UBR3: variants seen among roughly 807,000 people sequenced by gnomAD.
UBR3 encodes the protein ubiquitin protein ligase E3 component n-recognin 3.
In UBR3, 85 loss-of-function variants were observed where a neutral mutation model predicts 243.2. The ratio of observed to expected loss-of-function variants is 0.35; its 90% confidence interval spans 0.29 to 0.42. The LOEUF is 0.42. UBR3 is among the 10% of genes least tolerant of loss of function. The probability of loss-of-function intolerance (pLI) is 1.00; values close to 1 mark genes in which losing one functional copy is unlikely to be tolerated. For synonymous variants in UBR3, 748 were observed against 799.8 expected, an observed-to-expected ratio of 0.94 and a Z score of 1.09; for missense variants, 1,686 against 2,300.8, an observed-to-expected ratio of 0.73 and a Z score of 5.47.
chr2:170,059,894 C>G (rs2091422741), intron 33 of UBR3, among the ~76,000 whole-genome samples: 1 of 152,136 alleles, frequency 6.6e-6, no homozygotes, highest in Non-Finnish European at 1.5e-5. Context: ...AGTTAATTAG[C>G]AGGTATTTCT....
chr2:169,831,580 C>A (rs1455894540), intron 1 of UBR3, among the ~76,000 whole-genome samples: 1 of 152,186 alleles, frequency 6.6e-6, no homozygotes, highest in Non-Finnish European at 1.5e-5. Context: ...TGTGGCCATG[C>A]AATTACTCTG....
chr2:170,021,333 A>T (rs1003213282), intron 30 of UBR3, among the ~76,000 whole-genome samples: 5 of 152,140 alleles, frequency 3.3e-5, no homozygotes, highest in Non-Finnish European at 7.4e-5. Flanking sequence ...TACAACAGAA[A>T]TGTATTTCTC....
intron 3 of UBR3, 28 bp from the exon 4 acceptor site, chr2:169,877,466 T>C: frequency 6.6e-7 from 1 of 1,512,528 alleles, no homozygotes; most frequent in South Asian, 1.3e-5. Flanking sequence ...GGAATATTTT[T>C]TTCTGATTTG....
chr2:170,077,318 A>T, intron 36 of UBR3: 1 of 794,724 alleles, frequency 1.3e-6, no homozygotes, highest in Non-Finnish European at 2.3e-6. Flanking sequence ...TCCTTGTGTC[A>T]CAAGGCCCAA....
At chr2:169,899,847 GC>G (rs1348641038) in intron 8 of UBR3, among the ~76,000 whole-genome samples, 37 of 152,104 alleles carry the variant, frequency 2.4e-4, no homozygotes, top group African/African-American at 8.7e-4. Flanking sequence ...TTTTATGGCT[GC>G]AATAGTATTC....
chr2:169,938,376 T>C (rs963092828), intron 19 of UBR3, among the ~76,000 whole-genome samples: 2 of 151,886 alleles, frequency 1.3e-5, no homozygotes, highest in African/African-American at 4.8e-5. Context: ...GTGGTCCTGA[T>C]TGGCTTCCCG....
At chr2:169,832,276 C>T (rs1291949164) in intron 1 of UBR3, among the ~76,000 whole-genome samples, 8 of 152,128 alleles carry the variant, frequency 5.3e-5, no homozygotes, top group African/African-American at 1.2e-4. Flanking sequence ...TGTGGCTGGG[C>T]GCGGTGGCTC....
chr2:169,917,267 C>G (rs66484729), intron 11 of UBR3, among the ~76,000 whole-genome samples: 27,391 of 152,136 alleles, frequency 0.18, 2,719 homozygotes, highest in East Asian at 0.37. Context: ...TCAGAGAGAA[C>G]ATTGTCCAGC....
intron 25 of UBR3, among the ~76,000 whole-genome samples, chr2:169,987,251 G>A (rs992823805): frequency 2.6e-5 from 4 of 151,816 alleles, no homozygotes; most frequent in Non-Finnish European, 4.4e-5. Context: ...AATATTGGCC[G>A]GTGTGGTGGA....
chr2:169,996,411 G>T (rs569941872), intron 26 of UBR3, among the ~76,000 whole-genome samples: 1 of 152,212 alleles, frequency 6.6e-6, no homozygotes, highest in South Asian at 2.1e-4. Context: ...CCAGGTTAGG[G>T]TTCACTCTGC....
At chr2:170,060,586 A>G (rs1340239817) in intron 33 of UBR3, among the ~76,000 whole-genome samples, 1 of 152,080 alleles carries the variant, frequency 6.6e-6, no homozygotes, top group East Asian at 1.9e-4. Flanking sequence ...GGCTCTTTTC[A>G]CATTGTAAAT....
chr2:169,913,936 T>G, intron 10 of UBR3, 124 bp from the exon 11 acceptor site: 1 of 387,826 alleles, frequency 2.6e-6, no homozygotes, highest in Non-Finnish European at 4.2e-6. Context: ...ATGGCAAATA[T>G]AATCTTAAAA....
rs572616349 is a variant in UBR3, at chr2:169,943,340, C to T, written c.2805+706C>T. Among the ~76,000 whole-genome samples the T allele has an allele frequency of 1.1e-4, 17 of 152,280 alleles. No homozygotes were observed. In the South Asian group the frequency reaches 2.1e-3, roughly 19 times the overall value. On this transcript the variant is annotated intron_variant, in intron 20 of 38. Coordinates refer to ENST00000272793, the MANE Select transcript of UBR3 (RefSeq NM_172070.4). The stretch of plus-strand genomic sequence containing the variant: ...AAAGAAGGCTGGGCGCGGTGGCTCA[C>T]GCCTGTAATCCCAGCACTTTGGGAG...
chr2:169,891,306 A>T (rs1304464144), intron 6 of UBR3, 75 bp downstream of exon 6: 6 of 1,133,636 alleles, frequency 5.3e-6, no homozygotes, highest in South Asian at 2.7e-5. Context: ...AAAATACTTG[A>T]TGGGCTAGCC....
intron 30 of UBR3, among the ~76,000 whole-genome samples, chr2:170,026,413 C>A (rs560783108): frequency 6.6e-6 from 1 of 151,932 alleles, no homozygotes; most frequent in Non-Finnish European, 1.5e-5. Flanking sequence ...GCCCAACTTA[C>A]AAACATACTA....
Position 169,947,570 on chromosome 2 carries a change from A to C in UBR3, c.2939A>C (p.His980Pro). The change falls in exon 22 of 39, where the codon CAT (histidine) becomes CCT (proline). Residue 980 changes from histidine (H) to proline (P), a missense_variant. By Grantham distance (77) the His-to-Pro change is moderately conservative (BLOSUM62 -2). This residue lies in a region of UBR3 where 300 missense variants were observed against 314.4 expected (regional missense o/e 0.95). Coordinates refer to ENST00000272793, the MANE Select transcript of UBR3 (RefSeq NM_172070.4). Reference sequence around the variant, plus strand: ...TCAGTGGGTGGACCAGAACGTTGTCATGACAGTTGGTTTCCTGGCAGTAAC... The same window carrying C: ...TCAGTGGGTGGACCAGAACGTTGTCCTGACAGTTGGTTTCCTGGCAGTAAC... ...EASVGGPERC[H>P]DSWFPGSNLV... The C allele has an allele frequency of 6.6e-7, 1 of 1,518,392 alleles. No homozygotes were observed. Among genetic ancestry groups the C allele is most frequent in the Non-Finnish European group, 8.8e-7 (1 of 1,132,874 alleles). 94.1% of individuals were successfully genotyped at this position (1,518,392 alleles called of 1,614,324 possible). A position where few individuals can be genotyped will look rare whatever the true frequency, so the allele number is the denominator to read the frequency against.
At chr2:169,843,699 T>C (rs2082371577) in intron 1 of UBR3, among the ~76,000 whole-genome samples, 1 of 152,250 alleles carries the variant, frequency 6.6e-6, no homozygotes, top group African/African-American at 2.4e-5. Context: ...GCTTGTATTT[T>C]GACATGAGGA....
chr2:169,979,475 A>G (rs935028839), intron 24 of UBR3, among the ~76,000 whole-genome samples: 5 of 152,212 alleles, frequency 3.3e-5, no homozygotes, highest in African/African-American at 1.2e-4. Flanking sequence ...TTTATTTATA[A>G]TTGCTCAGAA....
chr2:169,920,396 A>G (rs1300911658), intron 11 of UBR3, among the ~76,000 whole-genome samples: 2 of 152,156 alleles, frequency 1.3e-5, no homozygotes, highest in Non-Finnish European at 2.9e-5. Flanking sequence ...CAGCACACCA[A>G]CATGGCACAT....
Sources: allele counts gnomAD v4.1 joint callset (sites outside exome capture counted in the v4.1 genomes callset), GRCh38; gene constraint gnomAD v4.1.1; regional missense constraint gnomAD v4.1.1; transcripts MANE v1.5; gene names NCBI Gene and HGNC (gene_info 2026-07-23, HGNC 2026-07-21).